CNTN5: variants seen among roughly 807,000 people sequenced by gnomAD.
CNTN5 encodes the protein contactin 5, also known as contactin-5.
Under a neutral mutation model 129.1 loss-of-function variants are expected in CNTN5, and 77 were observed. That is an observed-to-expected ratio of 0.60 (90% CI 0.50 to 0.72). The LOEUF (loss-of-function observed/expected upper bound fraction) is 0.72, where lower values mean the gene tolerates loss of function less well. Among genes scored for constraint, CNTN5 ranks in the 30% least tolerant of loss-of-function variants. The pLI is 0.00. For synonymous variants in CNTN5, 509 were observed against 465.6 expected, an observed-to-expected ratio of 1.09 and a Z score of -1.20; for missense variants, 1,478 against 1,328.8, an observed-to-expected ratio of 1.11 and a Z score of -1.75.
chr11:99,073,064 C>T (rs1183476252), intron 1 of CNTN5, among the ~76,000 whole-genome samples: 1 of 152,202 alleles, frequency 6.6e-6, no homozygotes, highest in African/African-American at 2.4e-5. Context: ...ATATTCGCTC[C>T]TTCGTTTTAA....
intron 13 of CNTN5, among the ~76,000 whole-genome samples, chr11:100,132,705 A>G (rs1946412453): frequency 6.6e-6 from 1 of 152,122 alleles, no homozygotes; most frequent in African/African-American, 2.4e-5. Context: ...TAAAATCCCC[A>G]AGTGTTTCAT....
At chr11:100,250,476 G>T (rs895352748) in intron 16 of CNTN5, among the ~76,000 whole-genome samples, 3 of 151,944 alleles carry the variant, frequency 2.0e-5, no homozygotes, top group African/African-American at 4.8e-5. Context: ...CAGATAAGTG[G>T]AAGTTACAGA....
At chr11:100,129,765 T>C (rs1304476630) in intron 13 of CNTN5, among the ~76,000 whole-genome samples, 4 of 152,272 alleles carry the variant, frequency 2.6e-5, no homozygotes, top group South Asian at 4.1e-4. Context: ...ATTCACACTC[T>C]TTTCTCATAA....
intron 3 of CNTN5, among the ~76,000 whole-genome samples, chr11:99,631,136 G>A (rs1341963846): frequency 6.6e-6 from 1 of 152,092 alleles, no homozygotes; most frequent in African/African-American, 2.4e-5. Context: ...GTGCTTTTCA[G>A]TTTATTGAAA....
At chr11:99,091,845 A>G (rs1359555228) in intron 1 of CNTN5, among the ~76,000 whole-genome samples, 1 of 152,224 alleles carries the variant, frequency 6.6e-6, no homozygotes, top group Non-Finnish European at 1.5e-5. Flanking sequence ...GAGGAGAAAA[A>G]GCCAAAGCAA....
chr11:99,852,863 G>C (rs1947915979), intron 6 of CNTN5, among the ~76,000 whole-genome samples: 1 of 152,144 alleles, frequency 6.6e-6, no homozygotes, highest in Admixed American at 6.5e-5. Flanking sequence ...TTAATCCTTA[G>C]TAGAGTGTTT....
rs944022138 is a variant in CNTN5 at position 100,195,001 on chromosome 11, T to C, written c.1884+1338T>C. ...ATTTTAACTGTTAATATCCAAGTTA[T>C]ATGTAAAGTATTTAGAGTGTGTTAA... On this transcript the variant is annotated intron_variant, in intron 15 of 24. Coordinates refer to ENST00000524871, the MANE Select transcript of CNTN5 (RefSeq NM_014361.4). 2.7e-5 allele frequency among the ~76,000 whole-genome samples: 4 copies of C among 149,936 alleles called. No homozygotes were observed. In the Admixed American group the frequency reaches 2.8e-4, roughly 10 times the overall value.
At chr11:99,906,945 G>A (rs1250849613) in intron 6 of CNTN5, among the ~76,000 whole-genome samples, 2 of 152,090 alleles carry the variant, frequency 1.3e-5, no homozygotes, top group Non-Finnish European at 2.9e-5. Flanking sequence ...ATGGTAGTTT[G>A]TATTTCTGTG....
chr11:99,719,042 G>T (rs938677872), intron 3 of CNTN5, among the ~76,000 whole-genome samples: 1 of 152,122 alleles, frequency 6.6e-6, no homozygotes, highest in Non-Finnish European at 1.5e-5. Context: ...ACAGAGAGCG[G>T]GTGTGGTGTC....
chr11:99,246,356 T>G (rs1861816685), intron 1 of CNTN5, among the ~76,000 whole-genome samples: 1 of 152,194 alleles, frequency 6.6e-6, no homozygotes, highest in Admixed American at 6.5e-5. Flanking sequence ...GCAATGACTG[T>G]GAGCCAGCAG....
chr11:99,138,591 CTTAA>C (rs1333334190), intron 1 of CNTN5, among the ~76,000 whole-genome samples: 1 of 152,074 alleles, frequency 6.6e-6, no homozygotes, highest in African/African-American at 2.4e-5. Flanking sequence ...GAATATTTAT[CTTAA>C]TTAATCGATT....
In CNTN5 at chr11:99,846,970, C is replaced by T. The variant is rs924692163; in HGVS notation, c.577+1708C>T. On this transcript the variant is annotated intron_variant, in intron 6 of 24. Transcript: ENST00000524871. The stretch of plus-strand genomic sequence containing the variant: ...GTGTATCACAGAACCTAATACTTTA[C>T]ATTATGCACAATTAATCAAGTAGCC... 3.9e-5 allele frequency among the ~76,000 whole-genome samples: 6 copies of T among 152,292 alleles called. No homozygotes were observed. In the South Asian group the frequency reaches 1.0e-3, roughly 26 times the overall value.
intron 2 of CNTN5, among the ~76,000 whole-genome samples, chr11:99,550,554 G>T (rs1265202815): frequency 6.6e-6 from 1 of 152,090 alleles, no homozygotes; most frequent in Non-Finnish European, 1.5e-5. Context: ...TTGAGATGGA[G>T]AATAAGGTCC....
intron 18 of CNTN5, among the ~76,000 whole-genome samples, chr11:100,288,363 A>C (rs1161283991): frequency 6.6e-6 from 1 of 152,170 alleles, no homozygotes; most frequent in African/African-American, 2.4e-5. Flanking sequence ...TTGGAAGTAA[A>C]GCTCTCCTCA....
chr11:99,223,125 T>C (rs1481717399), intron 1 of CNTN5, among the ~76,000 whole-genome samples: 1 of 152,148 alleles, frequency 6.6e-6, no homozygotes, highest in Non-Finnish European at 1.5e-5. Context: ...CCAGACCTTG[T>C]CGATAGCAAA....
intron 7 of CNTN5, among the ~76,000 whole-genome samples, chr11:99,950,754 G>A (rs1016187596): frequency 6.6e-6 from 1 of 152,194 alleles, no homozygotes; most frequent in Non-Finnish European, 1.5e-5. Flanking sequence ...TAAGTGGCTT[G>A]TGTAATTCTC....
rs139669175 is a variant in CNTN5 at position 99,566,538 on chromosome 11, A to AT, written c.55+10276dup. On this transcript the variant is annotated intron_variant, in intron 3 of 24. Transcript: ENST00000524871. ...CACATTCTTTTTTACTACTGTCGTC[A>AT]TTTTTTTGGTTGTGTGTTTAGTTAA... 5.3e-3 allele frequency among the ~76,000 whole-genome samples: 805 copies of AT among 152,210 alleles called. 23 individuals are homozygous for AT. The East Asian group carries it at 0.099, about 19-fold the overall frequency.
intron 3 of CNTN5, among the ~76,000 whole-genome samples, chr11:99,808,106 T>C (rs1946326417): frequency 6.6e-6 from 1 of 152,170 alleles, no homozygotes; most frequent in Non-Finnish European, 1.5e-5. Flanking sequence ...GTAAAACTTT[T>C]GACTTGAGAA....
At chr11:99,819,260 C>T (rs1458432030) in intron 3 of CNTN5, among the ~76,000 whole-genome samples, 1 of 143,396 alleles carries the variant, frequency 7.0e-6, no homozygotes, top group African/African-American at 2.6e-5. Context: ...TCTTCCTTCC[C>T]TTCTGCCATC....
Sources: gnomAD v4.1 joint callset for allele counts (sites outside exome capture counted in the v4.1 genomes callset) on GRCh38, gnomAD v4.1.1 for gene constraint, MANE v1.5 for transcripts, NCBI Gene and HGNC (gene_info 2026-07-23, HGNC 2026-07-21) for gene names.